Variants in TOP3A observed in about 807,000 individuals in gnomAD.
TOP3A encodes DNA topoisomerase 3-alpha.
A neutral mutation model predicts 111.3 loss-of-function variants in TOP3A; 64 were observed. The observed-to-expected ratio is 0.57, with a 90% CI of 0.47 to 0.71. The LOEUF is 0.71. Ranked by LOEUF, TOP3A falls within the 30% of genes least tolerant of loss-of-function variation. The pLI is 0.00. For missense variants in TOP3A, 1,104 were observed against 1,285.0 expected (o/e 0.86, Z 2.15); for synonymous variants, 484 against 485.1 (o/e 1.00, Z 0.03).
intron 1 of TOP3A, among the ~76,000 whole-genome samples, chr17:18,309,767 T>C (rs1037812868): frequency 6.9e-6 from 1 of 144,568 alleles, no homozygotes; most frequent in African/African-American, 2.6e-5. Flanking sequence ...TGGAGTCCAG[T>C]GGCGTGATCT....
rs145842568 is a variant in TOP3A at position 18,278,183 on chromosome 17, G to T, written c.2319C>A (p.Asn773Lys). ...SGRLQANQSLNRMDNSQHPQP... is the reference protein window; with the variant it reads ...SGRLQANQSLKRMDNSQHPQP... ...GGGGGTGCTGGCTGTTGTCCATCCT[G>T]TTCAGGGACTGGTTAGCCTGCAGGC... is the stretch of plus-strand genomic sequence containing the variant. The change falls in exon 18 of 19, where the codon AAC becomes AAA. Residue 773 changes from asparagine to lysine, a missense_variant. Coordinates refer to ENST00000321105, the MANE Select transcript of TOP3A (RefSeq NM_004618.5). 1.2e-6 allele frequency: 2 copies of T among 1,612,542 alleles called. No individual in the cohort carries two copies. The highest frequency in any genetic ancestry group is 1.7e-6 in the Non-Finnish European group (2 of 1,178,796).
intron 16 of TOP3A, among the ~76,000 whole-genome samples, chr17:18,280,983 C>T (rs908553599): frequency 7.2e-5 from 11 of 152,342 alleles, no homozygotes; most frequent in Admixed American, 5.9e-4. Context: ...GTGTCAGGGG[C>T]CCCCTCAGTT....
In TOP3A at chr17:18,302,397, C is replaced by G. The variant is rs1364496212; in HGVS notation, c.681G>C (p.Gln227His). 1 of 1,613,220 alleles carries G rather than the reference C, an allele frequency of 6.2e-7. No homozygotes were observed. Among genetic ancestry groups the G allele is most frequent in the African/African-American group, 1.3e-5 (1 of 74,988 alleles). Residue 227 changes from glutamine to histidine, a missense_variant, in exon 7 of 19, where the codon CAG becomes CAC. By Grantham distance (24) the Gln-to-His change is conservative. Coordinates refer to ENST00000321105, the MANE Select transcript of TOP3A (RefSeq NM_004618.5). ...CTGCCAGCACCTCAGGAAAAATCCT[C>G]TGAAGCCGCAGGGTCTGGAACCTAG... ...AFTRFQTLRLQRIFPEVLAEQ... is the reference protein window; with the variant it reads ...AFTRFQTLRLHRIFPEVLAEQ...
In TOP3A at chr17:18,299,440, T is replaced by G. The variant is rs1437370208; in HGVS notation, c.990+119A>C. 2.8e-5 allele frequency: 24 copies of G among 869,012 alleles called. No homozygotes were observed. The South Asian group carries it at 3.3e-4, about 12-fold the overall frequency. The allele number at this position is 869,012 out of a possible 1,614,324, so 53.8% of individuals were successfully genotyped here. A position where few individuals can be genotyped will look rare whatever the true frequency, so the allele number is the denominator to read the frequency against. ...ACCGTGTCTTTCTCCAGTGTTTTCTTGTGTGGCCTGGTGATGGGTGATATT... is the reference window on the plus strand; with the variant it reads ...ACCGTGTCTTTCTCCAGTGTTTTCTGGTGTGGCCTGGTGATGGGTGATATT... On this transcript the variant is annotated intron_variant, in intron 9 of 18. Transcript: ENST00000321105.
intron 5 of TOP3A, among the ~76,000 whole-genome samples, chr17:18,304,902 G>A (rs995147285): frequency 9.9e-5 from 15 of 152,140 alleles, no homozygotes; most frequent in African/African-American, 3.6e-4. Flanking sequence ...CAGGAAACAT[G>A]TCAGATTGGC....
intron 13 of TOP3A, among the ~76,000 whole-genome samples, chr17:18,287,640 C>G (rs1225649423): frequency 6.6e-6 from 1 of 151,876 alleles, no homozygotes; most frequent in Non-Finnish European, 1.5e-5. Flanking sequence ...CCCTTGAAAC[C>G]CAGGGTTCAT....
rs772922996 is a variant in TOP3A, at chr17:18,311,001, A to AT, written c.181-2061dup. On this transcript the variant is annotated intron_variant, in intron 1 of 18. Coordinates refer to ENST00000321105, the MANE Select transcript of TOP3A (RefSeq NM_004618.5). ...TCAAACATGCATTCAACAACTATGAATTTTTTTTTTTTTTTTTGAGACAGA... is the reference window on the plus strand; with the variant it reads ...TCAAACATGCATTCAACAACTATGAATTTTTTTTTTTTTTTTTTGAGACAGA... 2.5e-3 allele frequency among the ~76,000 whole-genome samples: 357 copies of AT among 142,124 alleles called. 5 individuals carry two copies. Among genetic ancestry groups the AT allele is most frequent in the Middle Eastern group, 3.7e-3 (1 of 272 alleles). 93.2% of individuals were successfully genotyped at this position (142,124 alleles called of 152,430 possible).
chr17:18,300,728 C>T (rs1319841235), intron 8 of TOP3A, among the ~76,000 whole-genome samples: 2 of 151,820 alleles, frequency 1.3e-5, no homozygotes, highest in Non-Finnish European at 2.9e-5. Context: ...GCTAATTTTT[C>T]TTTTTTAGAA....
rs776789764 is a variant in TOP3A, at chr17:18,274,853, G to A, written c.2955C>T (p.Ser985=). ...GSTAKKPRKC[S]LCHQPGHTRP... ...GGGTGTGTCCAGGCTGGTGGCAAAG[G>A]CTGCATTTCCGGGGTTTCTTTGCTG... is the stretch of plus-strand genomic sequence containing the variant. Residue 985 remains serine, a synonymous_variant, in exon 19 of 19, where the codon AGC becomes AGT. Coordinates refer to ENST00000321105, the MANE Select transcript of TOP3A (RefSeq NM_004618.5). The A allele has an allele frequency of 5.6e-6, 9 of 1,614,188 alleles. No individual in the cohort carries two copies. Among genetic ancestry groups the A allele is most frequent in the Non-Finnish European group, 8.5e-7 (1 of 1,180,030 alleles).
chr17:18,290,746 T>A, intron 12 of TOP3A, 60 bp from the exon 13 acceptor site: 1 of 1,575,730 alleles, frequency 6.3e-7, no homozygotes, highest in Non-Finnish European at 8.6e-7. Flanking sequence ...AGGCAAAAAA[T>A]AACCTCATTT....
At chr17:18,296,915 G>A (rs1357334298) in intron 9 of TOP3A, among the ~76,000 whole-genome samples, 1 of 152,042 alleles carries the variant, frequency 6.6e-6, no homozygotes, top group Non-Finnish European at 1.5e-5. Flanking sequence ...TCATATAGCA[G>A]ATTATTTAAA....
rs140837737 is a variant in TOP3A, at chr17:18,277,682, G to T, written c.2820C>A (p.Thr940=). 1.6e-4 allele frequency: 256 copies of T among 1,605,092 alleles called. 1 individual carries two copies. The highest frequency in any genetic ancestry group is 4.0e-5 in the African/African-American group (3 of 74,758). The change falls in exon 18 of 19, where the codon ACC becomes ACA. Residue 940 remains threonine, a synonymous_variant. Transcript: ENST00000321105. ...CGFFQWVDEN[T]APGTSGAPSW... is the part of the protein sequence containing the mutation. ...TGCCCCTCCCTGCCTCACCTGGAGC[G>T]GTGTTCTCATCGACCCACTGGAAAA...
Position 18,274,825 on chromosome 17 carries a change from G to A in TOP3A, c.2983C>T (p.Pro995Ser), listed in dbSNP as rs1161685975. 1.1e-5 allele frequency: 18 copies of A among 1,614,094 alleles called. No individual in the cohort carries two copies. Among genetic ancestry groups the A allele is most frequent in the African/African-American group, 2.7e-5 (2 of 74,932 alleles). The change falls in exon 19 of 19, where the codon CCC becomes TCC. Residue 995 changes from proline (P) to serine (S), a missense_variant. Physicochemically the swap from Pro to Ser is moderately conservative, Grantham distance 74. Transcript: ENST00000321105. Reference protein sequence around the residue: ...SLCHQPGHTRPFCPQNR With the variant: ...SLCHQPGHTRSFCPQNR ...GCTCATCTGTTCTGAGGACAAAAGG[G>A]ACGGGTGTGTCCAGGCTGGTGGCAA...
chr17:18,286,539 C>A (rs1191789580), intron 13 of TOP3A, among the ~76,000 whole-genome samples: 3 of 151,654 alleles, frequency 2.0e-5, no homozygotes, highest in Admixed American at 2.0e-4. Flanking sequence ...AAAAAACAAC[C>A]AAAAAAACCA....
At chr17:18,301,768 T>G in intron 8 of TOP3A, 117 bp downstream of exon 8, 18 of 814,112 alleles carry the variant, frequency 2.2e-5, no homozygotes, top group Non-Finnish European at 3.3e-5. Flanking sequence ...AGTGATCCCC[T>G]GAGATGCAAA....
At chr17:18,285,753 C>T (rs1220171023) in intron 13 of TOP3A, among the ~76,000 whole-genome samples, 1 of 152,220 alleles carries the variant, frequency 6.6e-6, no homozygotes, top group Non-Finnish European at 1.5e-5. Flanking sequence ...AGCTTCAAAG[C>T]TCTTTTTAAA....
chr17:18,298,381 G>T (rs1371322857), intron 9 of TOP3A, among the ~76,000 whole-genome samples: 4 of 141,492 alleles, frequency 2.8e-5, no homozygotes, highest in Non-Finnish European at 4.6e-5. Flanking sequence ...GGAGGGAGGT[G>T]GGGGGGTCAG....
chr17:18,293,550 G>A (rs1032340224), intron 10 of TOP3A, among the ~76,000 whole-genome samples: 3 of 150,930 alleles, frequency 2.0e-5, no homozygotes, highest in Non-Finnish European at 4.4e-5. Flanking sequence ...GCCTCCCAAA[G>A]TGCTCAGATT....
At chr17:18,311,301 A>G (rs1202335324) in intron 1 of TOP3A, among the ~76,000 whole-genome samples, 2 of 137,026 alleles carry the variant, frequency 1.5e-5, no homozygotes, top group Non-Finnish European at 3.2e-5. Context: ...TGCCTGGCCT[A>G]ATTTTTTTTT....
Sources: gnomAD v4.1 joint callset for allele counts (sites outside exome capture counted in the v4.1 genomes callset) on GRCh38, gnomAD v4.1.1 for gene constraint, MANE v1.5 for transcripts, NCBI Gene and HGNC (gene_info 2026-07-23, HGNC 2026-07-21) for gene names.